The following ABHD4 variants were observed in gnomAD, a reference collection of about 807,000 sequenced individuals.
ABHD4 encodes the protein (Lyso)-N-acylphosphatidylethanolamine lipase.
A neutral mutation model predicts 42.3 loss-of-function variants in ABHD4; 35 were observed. That is an observed-to-expected ratio of 0.83 (90% CI 0.63 to 1.10). The LOEUF is 1.10. Ranked by LOEUF, ABHD4 falls within the 50% of genes least tolerant of loss-of-function variation. ABHD4 has a pLI of 0.00. For synonymous variants in ABHD4, 169 were observed against 170.6 expected, an observed-to-expected ratio of 0.99 and a Z score of 0.07; for missense variants, 389 against 454.8, an observed-to-expected ratio of 0.86 and a Z score of 1.32.
At position 22,599,198 on chromosome 14, in the gene ABHD4, G is replaced by T. The variant is rs563747231; in HGVS notation, c.23+869G>T. Among the ~76,000 whole-genome samples the T allele has an allele frequency of 4.6e-5, 7 of 152,324 alleles. No individual in the cohort carries two copies. The South Asian group carries it at 1.4e-3, about 32-fold the overall frequency. On this transcript the variant is annotated intron_variant, in intron 1 of 6. Transcript: ENST00000428304. ...AATTAATAGCTTGCTGGGCTTGAAA[G>T]AAATGTCCAGGGGAATGTTTTACTT... is the stretch of plus-strand genomic sequence containing the variant.
At position 22,609,085 on chromosome 14, in the gene ABHD4, T is replaced by C. The variant is rs1461720186; in HGVS notation, c.753-639T>C. Among the ~76,000 whole-genome samples, 3 of 150,964 alleles carry C rather than the reference T, an allele frequency of 2.0e-5. No homozygotes were observed. The South Asian group carries it at 6.3e-4, about 32-fold the overall frequency. ...TGATCTTGGCTCACTGCAACCTCTG[T>C]CTCCCAGGCTCAAGCAATTCTCCTA... On this transcript the variant is annotated intron_variant, in intron 5 of 6. Transcript: ENST00000428304.
Position 22,610,842 on chromosome 14 carries a change from G to A in ABHD4, c.940-17G>A, listed in dbSNP as rs779736891. ...GAATAAAAGGCCATCCCACCCCTGC[G>A]GGTTCTCTCTCCACAGGAGATTAAG... is the stretch of plus-strand genomic sequence containing the variant. On this transcript the variant is annotated splice_polypyrimidine_tract_variant and intron_variant, in intron 6 of 6. Transcript: ENST00000428304. 6.0e-5 allele frequency: 96 copies of A among 1,608,622 alleles called. No homozygotes were observed. The highest frequency in any genetic ancestry group is 7.7e-5 in the Non-Finnish European group (91 of 1,175,474).
chr14:22,598,388 G>A, intron 1 of ABHD4, 59 bp downstream of exon 1: 10 of 1,551,494 alleles, frequency 6.4e-6, no homozygotes, highest in Non-Finnish European at 8.7e-6. Flanking sequence ...ATGATCCTGG[G>A]ACTGTCTGTG....
At position 22,611,160 on chromosome 14, in the gene ABHD4, C is replaced by A; in HGVS notation, c.*212C>A. On this transcript the variant is annotated 3_prime_UTR_variant, in exon 7 of 7. Coordinates refer to ENST00000428304, the MANE Select transcript of ABHD4 (RefSeq NM_022060.3). Reference sequence around the variant, plus strand: ...AAGCCACAAGAGGCCTTGAGTGCCACCCCCAGGGAAGAACATAAAGGGTTG... The same window carrying A: ...AAGCCACAAGAGGCCTTGAGTGCCAACCCCAGGGAAGAACATAAAGGGTTG... 1 of 562,200 alleles carries A rather than the reference C, an allele frequency of 1.8e-6. No individual in the cohort carries two copies. Among genetic ancestry groups the A allele is most frequent in the South Asian group, 2.1e-5 (1 of 47,694 alleles). The allele number at this position is 562,200 out of a possible 1,614,324, so 34.8% of individuals were successfully genotyped here.
chr14:22,598,464 G>C lies in ABHD4; in HGVS notation c.23+135G>C, dbSNP rs541835207. 24 of 1,539,012 alleles carry C rather than the reference G, an allele frequency of 1.6e-5. No homozygotes were observed. The South Asian group carries it at 2.7e-4, about 18-fold the overall frequency. On this transcript the variant is annotated intron_variant, in intron 1 of 6. Transcript: ENST00000428304. ...CCAGGTCGGCCTCCGGGGAGGGCGG[G>C]GGGTGGGTGCGTTGCTTGCTTTGCA...
At position 22,606,552 on chromosome 14, in the gene ABHD4, G is replaced by T. The variant is rs971203459; in HGVS notation, c.752+19G>T. ...ATCCCAGGTGAGGGCCGCTCCCCAG[G>T]CCAGCTTGGGGCAGACAGTTGTTAG... On this transcript the variant is annotated intron_variant, in intron 5 of 6. Coordinates refer to ENST00000428304, the MANE Select transcript of ABHD4 (RefSeq NM_022060.3). 7.1e-6 allele frequency: 11 copies of T among 1,554,326 alleles called. No individual in the cohort carries two copies.
intron 6 of ABHD4, 111 bp downstream of exon 6, chr14:22,610,021 G>C (rs1373560352): frequency 2.0e-6 from 2 of 1,008,492 alleles, no homozygotes; most frequent in South Asian, 1.8e-5. Flanking sequence ...GACTGAGATA[G>C]AGCAGTAGAT....
chr14:22,603,021 C>A (rs1457266396), intron 2 of ABHD4, among the ~76,000 whole-genome samples: 1 of 152,132 alleles, frequency 6.6e-6, no homozygotes, highest in Non-Finnish European at 1.5e-5. Context: ...TTAACAGGAT[C>A]ATTGCTGAAG....
At chr14:22,599,457 CA>C (rs1439100701) in intron 1 of ABHD4, among the ~76,000 whole-genome samples, 1 of 152,202 alleles carries the variant, frequency 6.6e-6, no homozygotes, top group African/African-American at 2.4e-5. Flanking sequence ...CCGTCCTAGC[CA>C]GGTTAAGTTC....
At chr14:22,606,610 C>A in intron 5 of ABHD4, 77 bp downstream of exon 5, 1 of 1,004,574 alleles carries the variant, frequency 1.0e-6, no homozygotes, top group Non-Finnish European at 1.5e-6. Flanking sequence ...GAGTTCTGGG[C>A]TTTATTTCTT....
At position 22,611,338 on chromosome 14, in the gene ABHD4, TG is replaced by T. The variant is rs2037413087; in HGVS notation, c.*394del. 4.9e-6 allele frequency: 1 copy of T among 203,102 alleles called. No individual in the cohort carries two copies. Among genetic ancestry groups the T allele is most frequent in the Non-Finnish European group, 1.0e-5 (1 of 97,558 alleles). 12.6% of individuals were successfully genotyped at this position (203,102 alleles called of 1,614,324 possible). On this transcript the variant is annotated 3_prime_UTR_variant, in exon 7 of 7. Coordinates refer to ENST00000428304, the MANE Select transcript of ABHD4 (RefSeq NM_022060.3). ...GCCTTTCCTCACTCTGTAGTGTTTG[TG>T]GGGATAGGTTCCATGCAAGAACACC...
chr14:22,600,488 G>A (rs891514838), intron 1 of ABHD4, among the ~76,000 whole-genome samples: 7 of 152,172 alleles, frequency 4.6e-5, no homozygotes, highest in South Asian at 2.1e-4. Flanking sequence ...TTAAAATTCT[G>A]TGCTTCAAAT....
intron 4 of ABHD4, among the ~76,000 whole-genome samples, chr14:22,604,862 A>C (rs1376156240): frequency 6.6e-6 from 1 of 150,746 alleles, no homozygotes. Context: ...CATCCGCATC[A>C]GCCTCCCAAA....
intron 4 of ABHD4, among the ~76,000 whole-genome samples, chr14:22,606,208 C>A (rs1007776370): frequency 3.3e-5 from 5 of 152,186 alleles, no homozygotes; most frequent in African/African-American, 1.2e-4. Context: ...TCTCTAAATT[C>A]TCTGGTAATG....
In ABHD4 at chr14:22,603,939, T is replaced by C. The variant is rs1306674518; in HGVS notation, c.500T>C (p.Ile167Thr). 54 of 1,614,062 alleles carry C rather than the reference T, an allele frequency of 3.3e-5. No individual in the cohort carries two copies. The highest frequency in any genetic ancestry group is 4.6e-5 in the Non-Finnish European group (54 of 1,180,024). ...IKYPDRVKHL[I>T]LVDPWGFPLR... ...CTTTAACATAGAGTTAAACACCTCA[T>C]CCTGGTGGACCCATGGGGCTTTCCC... The change falls in exon 4 of 7, where the codon ATC (isoleucine) becomes ACC (threonine). Residue 167 changes from isoleucine (I) to threonine (T), a missense_variant. Transcript: ENST00000428304.
chr14:22,609,324 T>C (rs918765719), intron 5 of ABHD4, among the ~76,000 whole-genome samples: 1 of 152,162 alleles, frequency 6.6e-6, no homozygotes, highest in African/African-American at 2.4e-5. Context: ...AAATAACAAT[T>C]AATCATATGA....
rs569136549 is a variant in ABHD4, at chr14:22,608,995, T to C, written c.753-729T>C. Among the ~76,000 whole-genome samples the C allele has an allele frequency of 3.6e-3, 462 of 130,108 alleles. 5 individuals carry two copies. The highest frequency in any genetic ancestry group is 0.034 in the South Asian group (132 of 3,892). The allele number at this position is 130,108 out of a possible 152,430, so 85.4% of individuals were successfully genotyped here. On this transcript the variant is annotated intron_variant, in intron 5 of 6. Transcript: ENST00000428304. ...GATTATAGGCATGAGCCTCCATGCC[T>C]GGCTGTTCGTTTGTTTTTTTGAGAC...
chr14:22,607,326 T>C (rs2037360822), intron 5 of ABHD4, among the ~76,000 whole-genome samples: 1 of 152,102 alleles, frequency 6.6e-6, no homozygotes, highest in African/African-American at 2.4e-5. Context: ...GGAAGTGCCC[T>C]GTGACTGGCT....
chr14:22,598,757 C>A (rs961775046), intron 1 of ABHD4: 30 of 358,420 alleles, frequency 8.4e-5, no homozygotes, highest in Non-Finnish European at 1.5e-4. Flanking sequence ...CTCCGCCCGG[C>A]AAAGAGAAGA....
Sources: gnomAD v4.1 joint callset for allele counts (sites outside exome capture counted in the v4.1 genomes callset) on GRCh38, gnomAD v4.1.1 for gene constraint, MANE v1.5 for transcripts, NCBI Gene and HGNC (gene_info 2026-07-23, HGNC 2026-07-21) for gene names.